Variants in SPC25 observed in about 807,000 individuals in gnomAD.
The protein encoded by SPC25 is SPC25 component of NDC80 kinetochore complex, also known as kinetochore protein Spc25.
A neutral mutation model predicts 29.6 loss-of-function variants in SPC25; 22 were observed. That is an observed-to-expected ratio of 0.74 (90% CI 0.53 to 1.06). The LOEUF is 1.06. SPC25 is among the 50% of genes least tolerant of loss of function. SPC25 has a pLI of 0.00. For synonymous variants in SPC25, 91 were observed against 90.4 expected, an observed-to-expected ratio of 1.01 and a Z score of -0.04; for missense variants, 230 against 255.8, an observed-to-expected ratio of 0.90 and a Z score of 0.69.
At chr2:168,862,658 T>C (rs1019541431) in intron 4 of SPC25, among the ~76,000 whole-genome samples, 4 of 152,232 alleles carry the variant, frequency 2.6e-5, no homozygotes, top group African/African-American at 9.6e-5. Flanking sequence ...ATCCCCTTCT[T>C]TGTGTCACAG....
intron 3 of SPC25, among the ~76,000 whole-genome samples, chr2:168,886,815 G>A (rs1009536958): frequency 6.6e-5 from 10 of 152,038 alleles, no homozygotes; most frequent in African/African-American, 9.7e-5. Flanking sequence ...CACCCCGCCC[G>A]GCCAAGTATA....
intron 4 of SPC25, chr2:168,863,514 G>A (rs1689615680): frequency 7.1e-6 from 7 of 985,352 alleles, no homozygotes; most frequent in Non-Finnish European, 8.4e-6. Flanking sequence ...TTTATGACAA[G>A]AGCCATGTTT....
At chr2:168,876,270 A>G (rs368897266) in intron 4 of SPC25, 94 bp from the exon 5 acceptor site, 15 of 874,482 alleles carry the variant, frequency 1.7e-5, no homozygotes, top group Non-Finnish European at 1.7e-5. Context: ...CAACTATAAA[A>G]TGATGCCAAG....
chr2:168,866,286 C>A (rs1247252946), downstream of SPC25, among the ~76,000 whole-genome samples: 3 of 152,296 alleles, frequency 2.0e-5, no homozygotes, highest in African/African-American at 7.2e-5. Context: ...TAGATATAGA[C>A]CAATGGAACA....
At chr2:168,865,209 G>C in intron 4 of SPC25, 1 of 489,354 alleles carries the variant, frequency 2.0e-6, no homozygotes, top group Non-Finnish European at 3.6e-6. Context: ...CCAAATTCTA[G>C]GAGACCCTAG....
chr2:168,865,279 C>A, intron 4 of SPC25: 1 of 242,360 alleles, frequency 4.1e-6, no homozygotes, highest in Non-Finnish European at 8.0e-6. Context: ...GTGGGTTCAG[C>A]TGCTTGCCTG....
downstream of SPC25, among the ~76,000 whole-genome samples, chr2:168,866,759 C>A (rs11686258): frequency 3.8e-5 from 5 of 131,654 alleles, no homozygotes; most frequent in South Asian, 5.6e-4. Flanking sequence ...GAATCTACAA[C>A]GAACTCAAAC....
At chr2:168,876,558 C>G (rs1690089929) in intron 4 of SPC25, among the ~76,000 whole-genome samples, 1 of 148,822 alleles carries the variant, frequency 6.7e-6, no homozygotes, top group African/African-American at 2.5e-5. Flanking sequence ...ATAACTATTT[C>G]TTATGAGAGG....
At chr2:168,864,407 T>C (rs1220839502) in intron 4 of SPC25, among the ~76,000 whole-genome samples, 2 of 151,994 alleles carry the variant, frequency 1.3e-5, no homozygotes, top group Admixed American at 1.3e-4. Flanking sequence ...TGCCTCAGCC[T>C]CCTGAGTAGC....
downstream of SPC25, among the ~76,000 whole-genome samples, chr2:168,869,681 C>CA (rs536022480): frequency 1.3e-5 from 2 of 152,086 alleles, no homozygotes; most frequent in African/African-American, 4.8e-5. Flanking sequence ...AGGAGAACTA[C>CA]AACCACTGCT....
rs112662479 is a variant in SPC25 at position 168,877,952 on chromosome 2, G to C, written c.200-568C>G. Among the ~76,000 whole-genome samples the C allele has an allele frequency of 6.9e-3, 868 of 126,548 alleles. 1 individual carries two copies. Among genetic ancestry groups the C allele is most frequent in the Non-Finnish European group, 9.7e-3 (515 of 53,312 alleles). 83.0% of individuals were successfully genotyped at this position (126,548 alleles called of 152,430 possible). ...AGGCTCAAGCAATCCTCCTACCTCA[G>C]CCTCTCAAAGTGCTGGGATTACCAG... On this transcript the variant is annotated intron_variant, in intron 3 of 6. Coordinates refer to ENST00000282074, the MANE Select transcript of SPC25 (RefSeq NM_020675.4).
At chr2:168,884,693 C>T (rs113893631) in intron 3 of SPC25, among the ~76,000 whole-genome samples, 2,554 of 152,244 alleles carry the variant, frequency 0.017, 65 homozygotes, top group African/African-American at 0.056. Context: ...CTTTCCTGGT[C>T]GTTTCCATTT....
At chr2:168,861,992 T>G in intron 4 of SPC25, 7 of 1,614,220 alleles carry the variant, frequency 4.3e-6, no homozygotes, top group Non-Finnish European at 5.1e-6. Flanking sequence ...CAGCAGACTT[T>G]GCAAGGCCTT....
At position 168,865,096 on chromosome 2, in the gene SPC25, T is replaced by A. The variant is rs1470138406; in HGVS notation, n.419+8489A>T. On this transcript the variant is annotated intron_variant and non_coding_transcript_variant, in intron 4 of 4. Transcript: ENST00000479309. ...AAATGGATGGAGTTCTACCTGCATGTCACAGCACTTTGCATTCATGATTAT... is the reference window on the plus strand; with the variant it reads ...AAATGGATGGAGTTCTACCTGCATGACACAGCACTTTGCATTCATGATTAT... 3.1e-6 allele frequency: 3 copies of A among 966,956 alleles called. No homozygotes were observed. In the East Asian group the frequency reaches 7.6e-5, roughly 24 times the overall value. The allele number at this position is 966,956 out of a possible 1,614,324, so 59.9% of individuals were successfully genotyped here.
intron 3 of SPC25, among the ~76,000 whole-genome samples, chr2:168,887,286 G>A (rs940171222): frequency 5.3e-5 from 8 of 151,392 alleles, no homozygotes; most frequent in African/African-American, 2.0e-4. Context: ...GTGGTGCGTG[G>A]TGGTGCGCAC....
chr2:168,863,909 C>CT (rs761612290), intron 4 of SPC25, among the ~76,000 whole-genome samples: 1 of 151,514 alleles, frequency 6.6e-6, no homozygotes, highest in Non-Finnish European at 1.5e-5. Flanking sequence ...CCAACGTGAT[C>CT]TTTTTTTATT....
At chr2:168,864,569 C>G (rs1319169268) in intron 4 of SPC25, among the ~76,000 whole-genome samples, 5 of 152,158 alleles carry the variant, frequency 3.3e-5, no homozygotes, top group Admixed American at 6.5e-5. Flanking sequence ...ACAGGCGTCA[C>G]CCACCACGCC....
chr2:168,862,049 G>A, intron 4 of SPC25: 3 of 1,613,344 alleles, frequency 1.9e-6, no homozygotes, highest in Non-Finnish European at 2.5e-6. Flanking sequence ...TTTGGAAAAG[G>A]GTAAGAATCA....
intron 1 of SPC25, 67 bp from the exon 2 acceptor site, chr2:168,889,600 G>C: frequency 6.7e-7 from 1 of 1,483,778 alleles, no homozygotes; most frequent in African/African-American, 1.4e-5. Context: ...ATTCCAATCG[G>C]GTATACAGTA....
Sources: gnomAD v4.1 joint callset for allele counts (sites outside exome capture counted in the v4.1 genomes callset) on GRCh38, gnomAD v4.1.1 for gene constraint, MANE v1.5 for transcripts, NCBI Gene and HGNC (gene_info 2026-07-23, HGNC 2026-07-21) for gene names.